FHIT: variants seen among roughly 807,000 people sequenced by gnomAD.
The protein encoded by FHIT is bis(5'-adenosyl)-triphosphatase.
A neutral mutation model predicts 17.9 loss-of-function variants in FHIT; 19 were observed. The ratio of observed to expected loss-of-function variants is 1.06; its 90% CI spans 0.74 to 1.56. The LOEUF is 1.56. Ranked by LOEUF, FHIT falls within the 40% of genes most tolerant of loss-of-function variation. The probability of loss-of-function intolerance (pLI) is 0.00; values close to 1 mark genes in which losing one functional copy is unlikely to be tolerated. For synonymous variants in FHIT, 81 were observed against 69.7 expected (o/e 1.16, Z -0.81); for missense variants, 248 against 189.2 (o/e 1.31, Z -1.82).
At chr3:60,080,943 G>A (rs1319947221) in intron 5 of FHIT, 2 of 152,288 alleles carry the variant, frequency 1.3e-5, no homozygotes, top group Admixed American at 6.5e-5. Flanking sequence ...TCTCCTTTCT[G>A]AGTTTTGCAT....
At chr3:60,106,638 C>T (rs1458394445) in intron 5 of FHIT, among the ~76,000 whole-genome samples, 1 of 152,132 alleles carries the variant, frequency 6.6e-6, no homozygotes. Flanking sequence ...ATCTGAGGTG[C>T]CCAGCCAAGG....
intron 5 of FHIT, among the ~76,000 whole-genome samples, chr3:60,518,495 C>A (rs1037940591): frequency 6.6e-6 from 1 of 152,134 alleles, no homozygotes; most frequent in Admixed American, 6.5e-5. Flanking sequence ...GAGATGTGTA[C>A]CCCCATGCAG....
intron 8 of FHIT, among the ~76,000 whole-genome samples, chr3:59,795,141 C>T (rs936887041): frequency 1.3e-5 from 2 of 152,116 alleles, no homozygotes; most frequent in African/African-American, 2.4e-5. Context: ...ATCCCAGCAC[C>T]GTGGGAGGCT....
intron 4 of FHIT, among the ~76,000 whole-genome samples, chr3:60,806,701 A>C (rs1701402061): frequency 6.6e-6 from 1 of 152,200 alleles, no homozygotes; most frequent in South Asian, 2.1e-4. Context: ...TAACTACTTA[A>C]GGTTAGAATT....
chr3:60,212,099 T>A (rs1703478170), intron 5 of FHIT, among the ~76,000 whole-genome samples: 1 of 152,196 alleles, frequency 6.6e-6, no homozygotes, highest in African/African-American at 2.4e-5. Context: ...TACCTACTTG[T>A]TTTAAGCTGC....
chr3:60,861,202 GA>G lies in FHIT; in HGVS notation c.-110-39192del, dbSNP rs1559781732. Among the ~76,000 whole-genome samples, 26 of 452 alleles carry G rather than the reference GA, an allele frequency of 0.058. 10 individuals carry two copies. The East Asian group carries it at 0.6, about 10-fold the overall frequency. The allele number at this position is 452 out of a possible 152,430, so 0.3% of individuals were successfully genotyped here. On this transcript the variant is annotated intron_variant, in intron 3 of 9. Coordinates refer to ENST00000492590, the MANE Select transcript of FHIT (RefSeq NM_002012.4). ...GATATATATGATATATATCATATAT[GA>G]TATATATGATATATATGATATATAT...
intron 7 of FHIT, among the ~76,000 whole-genome samples, chr3:59,938,677 C>T (rs1386093241): frequency 6.6e-6 from 1 of 151,992 alleles, no homozygotes; most frequent in Middle Eastern, 3.2e-3. Context: ...TGTTGTATAC[C>T]TCAAATACAC....
chr3:60,982,674 C>A (rs1030613499), intron 3 of FHIT, among the ~76,000 whole-genome samples: 1 of 152,192 alleles, frequency 6.6e-6, no homozygotes, highest in Admixed American at 6.5e-5. Context: ...TCTGTTGCAA[C>A]TCTTCATTTC....
intron 5 of FHIT, among the ~76,000 whole-genome samples, chr3:60,155,647 T>C (rs1035944972): frequency 6.6e-6 from 1 of 152,220 alleles, no homozygotes; most frequent in African/African-American, 2.4e-5. Flanking sequence ...AGCACAGTGA[T>C]TGATCCAGGA....
At chr3:60,512,265 T>C (rs989357805) in intron 5 of FHIT, among the ~76,000 whole-genome samples, 3 of 152,206 alleles carry the variant, frequency 2.0e-5, no homozygotes, top group African/African-American at 7.2e-5. Flanking sequence ...GTCTATTTAA[T>C]TGGCACTTTC....
intron 8 of FHIT, among the ~76,000 whole-genome samples, chr3:59,757,635 T>C (rs1187713656): frequency 6.6e-6 from 1 of 152,222 alleles, no homozygotes; most frequent in Non-Finnish European, 1.5e-5. Context: ...CAAATTGTCT[T>C]CAAACGGGGG....
At chr3:60,412,462 T>C (rs1474548258) in intron 5 of FHIT, among the ~76,000 whole-genome samples, 2 of 152,152 alleles carry the variant, frequency 1.3e-5, no homozygotes, top group Admixed American at 6.5e-5. Context: ...ATTTTTAATG[T>C]GGCCTCTCTT....
At chr3:60,928,195 A>G (rs1385047512) in intron 3 of FHIT, among the ~76,000 whole-genome samples, 1 of 152,050 alleles carries the variant, frequency 6.6e-6, no homozygotes, top group East Asian at 1.9e-4. Context: ...TCCTCTGCCT[A>G]GGAAAACCAG....
chr3:59,842,320 G>A (rs932210694), intron 8 of FHIT, among the ~76,000 whole-genome samples: 3 of 152,172 alleles, frequency 2.0e-5, no homozygotes, highest in Non-Finnish European at 4.4e-5. Context: ...AATGGATACT[G>A]AGTTGCTTCT....
intron 7 of FHIT, among the ~76,000 whole-genome samples, chr3:59,965,993 A>C (rs775331247): frequency 1.3e-5 from 2 of 152,214 alleles, no homozygotes; most frequent in Non-Finnish European, 2.9e-5. Context: ...ATGAATAGAA[A>C]TAACTGGCAG....
chr3:60,312,187 G>A (rs1708979524), intron 5 of FHIT, among the ~76,000 whole-genome samples: 1 of 152,106 alleles, frequency 6.6e-6, no homozygotes, highest in Admixed American at 6.6e-5. Flanking sequence ...CCAGGCTGGA[G>A]TGCAGTGGCA....
At chr3:60,056,376 G>T (rs556570954) in intron 5 of FHIT, among the ~76,000 whole-genome samples, 1 of 152,162 alleles carries the variant, frequency 6.6e-6, no homozygotes, top group African/African-American at 2.4e-5. Flanking sequence ...TATTGGGGAG[G>T]GGGGAAGAAT....
intron 5 of FHIT, among the ~76,000 whole-genome samples, chr3:60,236,862 T>C (rs1260882982): frequency 6.6e-6 from 1 of 152,212 alleles, no homozygotes; most frequent in Non-Finnish European, 1.5e-5. Flanking sequence ...TTCTATGCAT[T>C]TAGCTACATA....
chr3:60,133,800 A>T (rs1699697398), intron 5 of FHIT, among the ~76,000 whole-genome samples: 1 of 151,830 alleles, frequency 6.6e-6, no homozygotes, highest in Non-Finnish European at 1.5e-5. Flanking sequence ...AAAATAGAGT[A>T]CTTCATGCTC....
Sources: allele counts gnomAD v4.1 joint callset (sites outside exome capture counted in the v4.1 genomes callset), GRCh38; gene constraint gnomAD v4.1.1; transcripts MANE v1.5; gene names NCBI Gene and HGNC (gene_info 2026-07-23, HGNC 2026-07-21).